The following FARS2 variants were observed in gnomAD, a reference collection of about 807,000 sequenced individuals.
FARS2 encodes the protein phenylalanyl-tRNA synthetase 2, mitochondrial, also known as phenylalanine--tRNA ligase, mitochondrial.
FARS2 carries 40 observed loss-of-function variants against 46.4 expected under a neutral mutation model. The ratio of observed to expected loss-of-function variants is 0.86; its 90% CI spans 0.67 to 1.12. The LOEUF is 1.12. Ranked by LOEUF, FARS2 falls within the 50% of genes most tolerant of loss-of-function variation. The pLI, the probability that FARS2 is intolerant of heterozygous loss-of-function variation, is 0.00. For missense variants in FARS2, 513 were observed against 567.9 expected (o/e 0.90, Z 0.98); for synonymous variants, 234 against 214.9 (o/e 1.09, Z -0.78).
chr6:5,450,492 C>T (rs941854600), intron 4 of FARS2, among the ~76,000 whole-genome samples: 2 of 151,884 alleles, frequency 1.3e-5, no homozygotes, highest in Non-Finnish European at 2.9e-5. Context: ...GTGAAGGTCG[C>T]GGTGGCCATC....
Position 5,489,909 on chromosome 6 carries a change from C to T in FARS2, c.905-55271C>T, listed in dbSNP as rs982361580. ...ATGCACATAATAATATTTTTTATTACGGTATTATTTACGTAAAATAAAAGT... is the reference window on the plus strand; with the variant it reads ...ATGCACATAATAATATTTTTTATTATGGTATTATTTACGTAAAATAAAAGT... On this transcript the variant is annotated intron_variant, in intron 4 of 6. Transcript: ENST00000274680. Among the ~76,000 whole-genome samples, 40 of 152,104 alleles carry T rather than the reference C, an allele frequency of 2.6e-4. 1 individual carries two copies. Among genetic ancestry groups the T allele is most frequent in the Admixed American group, 2.2e-3 (33 of 15,280 alleles).
chr6:5,639,029 AT>A (rs1776679918), intron 6 of FARS2, among the ~76,000 whole-genome samples: 1 of 152,184 alleles, frequency 6.6e-6, no homozygotes, highest in Admixed American at 6.5e-5. Context: ...TCTTAAAGAT[AT>A]TTCTCTAAAA....
At chr6:5,569,335 C>T (rs1277571548) in intron 5 of FARS2, among the ~76,000 whole-genome samples, 3 of 151,406 alleles carry the variant, frequency 2.0e-5, no homozygotes, top group Non-Finnish European at 4.4e-5. Flanking sequence ...CAACTGGGCT[C>T]GGTCGATCCT....
At chr6:5,621,304 C>T (rs935526387) in intron 6 of FARS2, among the ~76,000 whole-genome samples, 3 of 151,636 alleles carry the variant, frequency 2.0e-5, no homozygotes, top group Non-Finnish European at 4.4e-5. Context: ...TTGCCCAGGC[C>T]GATCTTGAAC....
At chr6:5,386,583 C>G (rs564938242) in intron 2 of FARS2, among the ~76,000 whole-genome samples, 3 of 152,020 alleles carry the variant, frequency 2.0e-5, no homozygotes, top group Non-Finnish European at 4.4e-5. Context: ...CAGGCTAAGC[C>G]AAGGAAATGG....
intron 6 of FARS2, among the ~76,000 whole-genome samples, chr6:5,707,576 G>T (rs1758836174): frequency 6.6e-6 from 1 of 152,248 alleles, no homozygotes; most frequent in Non-Finnish European, 1.5e-5. Context: ...ACTCCGGGCA[G>T]CATCAGGCTC....
At position 5,697,524 on chromosome 6, in the gene FARS2, A is replaced by G. The variant is rs1170566679; in HGVS notation, c.1218-73767A>G. On this transcript the variant is annotated intron_variant, in intron 6 of 6. Coordinates refer to ENST00000274680, the MANE Select transcript of FARS2 (RefSeq NM_006567.5). ...TTTTCATTAATTCAATTTAAAAATA[A>G]TGAGTATCCAATGCAATACTCTTTC... Among the ~76,000 whole-genome samples the G allele has an allele frequency of 2.6e-5, 4 of 152,234 alleles. No homozygotes were observed. In the East Asian group the frequency reaches 7.7e-4, roughly 29 times the overall value.
At chr6:5,413,419 A>G (rs1221885473) in intron 3 of FARS2, among the ~76,000 whole-genome samples, 1 of 152,186 alleles carries the variant, frequency 6.6e-6, no homozygotes, top group Non-Finnish European at 1.5e-5. Flanking sequence ...CACCCATTGC[A>G]AACTATTTTT....
intron 5 of FARS2, among the ~76,000 whole-genome samples, chr6:5,578,639 C>T (rs567465413): frequency 6.6e-6 from 1 of 151,976 alleles, no homozygotes; most frequent in East Asian, 1.9e-4. Context: ...GAAACCCCAT[C>T]TCCACTAAAA....
rs114241520 is a variant in FARS2 at position 5,698,035 on chromosome 6, G to A, written c.1218-73256G>A. ...AGCCAAATAATGATGTCTGATTCTC[G>A]CTCGCTGTGATATGGGAGGACAAGG... On this transcript the variant is annotated intron_variant, in intron 6 of 6. Transcript: ENST00000274680. 7.2e-3 allele frequency among the ~76,000 whole-genome samples: 1,095 copies of A among 152,260 alleles called. 12 individuals are homozygous for A. The highest frequency in any genetic ancestry group is 0.025 in the African/African-American group (1,041 of 41,542).
intron 6 of FARS2, among the ~76,000 whole-genome samples, chr6:5,682,314 A>T (rs1294604382): frequency 6.6e-6 from 1 of 152,246 alleles, no homozygotes; most frequent in Non-Finnish European, 1.5e-5. Flanking sequence ...GAAAAAGAAA[A>T]TTTAATGGCA....
rs769828712 is a variant in FARS2, at chr6:5,522,382, A to C, written c.905-22798A>C. On this transcript the variant is annotated intron_variant, in intron 4 of 6. Coordinates refer to ENST00000274680, the MANE Select transcript of FARS2 (RefSeq NM_006567.5). ...TTCCTCTGTGACCAGGGAGAGGAGAATGTGGTTTTCATACAGCATCTTCTC... is the reference window on the plus strand; with the variant it reads ...TTCCTCTGTGACCAGGGAGAGGAGACTGTGGTTTTCATACAGCATCTTCTC... Among the ~76,000 whole-genome samples, 135 of 152,226 alleles carry C rather than the reference A, an allele frequency of 8.9e-4. 1 individual carries two copies. Among genetic ancestry groups the C allele is most frequent in the Non-Finnish European group, 1.4e-3 (94 of 68,032 alleles).
chr6:5,428,031 C>T (rs896870798), intron 3 of FARS2, among the ~76,000 whole-genome samples: 26 of 152,174 alleles, frequency 1.7e-4, no homozygotes, highest in African/African-American at 6.3e-4. Flanking sequence ...ACGCCATCAG[C>T]ACCAGCAGCT....
chr6:5,424,093 C>G (rs77962730), intron 3 of FARS2, among the ~76,000 whole-genome samples: 1 of 152,086 alleles, frequency 6.6e-6, no homozygotes, highest in East Asian at 1.9e-4. Context: ...GGGTACTCAA[C>G]TGTTGCTTTA....
chr6:5,443,858 T>C (rs1336910882), intron 4 of FARS2, among the ~76,000 whole-genome samples: 4 of 152,224 alleles, frequency 2.6e-5, no homozygotes, highest in Non-Finnish European at 5.9e-5. Context: ...AAAATTCAGC[T>C]CATTTATTTC....
intron 6 of FARS2, among the ~76,000 whole-genome samples, chr6:5,651,609 G>C (rs1777367346): frequency 6.6e-6 from 1 of 152,246 alleles, no homozygotes; most frequent in Admixed American, 6.5e-5. Flanking sequence ...CTGGAGCAGA[G>C]CTGAAGGCTT....
At position 5,698,288 on chromosome 6, in the gene FARS2, G is replaced by T. The variant is rs371875155; in HGVS notation, c.1218-73003G>T. Among the ~76,000 whole-genome samples the T allele has an allele frequency of 7.9e-5, 12 of 152,296 alleles. No individual in the cohort carries two copies. The East Asian group carries it at 2.3e-3, about 29-fold the overall frequency. On this transcript the variant is annotated intron_variant, in intron 6 of 6. Coordinates refer to ENST00000274680, the MANE Select transcript of FARS2 (RefSeq NM_006567.5). Reference sequence around the variant, plus strand: ...CGGGAAGCTCACAATCATGGTGGAAGGCCGAGGGGCTGCAGGCACGTCACA... The same window carrying T: ...CGGGAAGCTCACAATCATGGTGGAATGCCGAGGGGCTGCAGGCACGTCACA...
intron 1 of FARS2, among the ~76,000 whole-genome samples, chr6:5,325,874 A>C (rs919086616): frequency 6.6e-6 from 1 of 152,228 alleles, no homozygotes; most frequent in Non-Finnish European, 1.5e-5. Context: ...AGTTGAATAA[A>C]AAAATTTTAA....
chr6:5,554,189 C>G (rs1355148420), intron 5 of FARS2, among the ~76,000 whole-genome samples: 1 of 152,102 alleles, frequency 6.6e-6, no homozygotes, highest in East Asian at 1.9e-4. Context: ...GGTGAGGGAG[C>G]TATGTGAATA....
Sources: allele counts gnomAD v4.1 joint callset (sites outside exome capture counted in the v4.1 genomes callset), GRCh38; gene constraint gnomAD v4.1.1; transcripts MANE v1.5; gene names NCBI Gene and HGNC (gene_info 2026-07-23, HGNC 2026-07-21).